Variants in CACNA2D3 observed in about 807,000 individuals in gnomAD.
The protein encoded by CACNA2D3 is voltage-dependent calcium channel subunit alpha-2/delta-3.
In CACNA2D3, 60 loss-of-function variants were observed where a neutral mutation model predicts 160.6. The ratio of observed to expected loss-of-function variants is 0.37; its 90% CI spans 0.30 to 0.46. The LOEUF (loss-of-function observed/expected upper bound fraction) is 0.46, where lower values mean the gene tolerates loss of function less well. Among genes scored for constraint, CACNA2D3 ranks in the 20% least tolerant of loss-of-function variants. The pLI is 1.00. For synonymous variants in CACNA2D3, 558 were observed against 492.9 expected (o/e 1.13, Z -1.75); for missense variants, 1,205 against 1,365.0 (o/e 0.88, Z 1.85).
At chr3:54,147,816 G>T (rs1002240758) in intron 2 of CACNA2D3, among the ~76,000 whole-genome samples, 1 of 152,194 alleles carries the variant, frequency 6.6e-6, no homozygotes, top group African/African-American at 2.4e-5. Context: ...CTGTTTGTTT[G>T]TTTGTTTTTG....
chr3:54,261,832 A>G (rs1702405709), intron 2 of CACNA2D3, among the ~76,000 whole-genome samples: 1 of 152,172 alleles, frequency 6.6e-6, no homozygotes, highest in Non-Finnish European at 1.5e-5. Flanking sequence ...TTGAAGGACA[A>G]TATGCTAGAG....
chr3:54,856,202 GCA>G (rs1699166244), intron 17 of CACNA2D3, among the ~76,000 whole-genome samples: 1 of 152,120 alleles, frequency 6.6e-6, no homozygotes, highest in Non-Finnish European at 1.5e-5. Context: ...AGGAAATCGA[GCA>G]CACAATGAAA....
intron 16 of CACNA2D3, among the ~76,000 whole-genome samples, chr3:54,845,488 C>T (rs777396996): frequency 6.6e-6 from 1 of 152,142 alleles, no homozygotes; most frequent in Non-Finnish European, 1.5e-5. Context: ...AACTGGGTTA[C>T]ATTTTCTTTC....
At chr3:54,348,418 T>C (rs987632139) in intron 3 of CACNA2D3, among the ~76,000 whole-genome samples, 3 of 152,240 alleles carry the variant, frequency 2.0e-5, no homozygotes, top group Admixed American at 6.5e-5. Flanking sequence ...CATACTCAAG[T>C]CAAAATGGGT....
chr3:54,516,323 A>G (rs1403311534), intron 5 of CACNA2D3, among the ~76,000 whole-genome samples: 2 of 152,170 alleles, frequency 1.3e-5, no homozygotes, highest in South Asian at 2.1e-4. Flanking sequence ...CCATTTCATC[A>G]TCTCCAAAGT....
At chr3:54,212,951 T>C (rs1444486821) in intron 2 of CACNA2D3, among the ~76,000 whole-genome samples, 2 of 152,186 alleles carry the variant, frequency 1.3e-5, no homozygotes, top group Admixed American at 1.3e-4. Context: ...CCAGGCCTCC[T>C]AATTGCCCTT....
chr3:54,872,817 C>T (rs1418011089), intron 18 of CACNA2D3, among the ~76,000 whole-genome samples: 2 of 152,156 alleles, frequency 1.3e-5, no homozygotes, highest in Non-Finnish European at 2.9e-5. Flanking sequence ...TCCTCCATAC[C>T]CTTTTCCCCG....
At chr3:54,808,252 C>G (rs564367225) in intron 13 of CACNA2D3, among the ~76,000 whole-genome samples, 3 of 152,046 alleles carry the variant, frequency 2.0e-5, no homozygotes, top group Non-Finnish European at 1.5e-5. Flanking sequence ...TCAGTTCACT[C>G]CAGATGCCCC....
At chr3:55,051,006 T>G (rs1270573093) in intron 35 of CACNA2D3, among the ~76,000 whole-genome samples, 1 of 145,416 alleles carries the variant, frequency 6.9e-6, no homozygotes, top group East Asian at 2.0e-4. Flanking sequence ...TACATTCTTC[T>G]AAATTTTTTT....
intron 2 of CACNA2D3, among the ~76,000 whole-genome samples, chr3:54,291,310 A>T (rs60459685): frequency 0.2 from 31,133 of 152,206 alleles, 3,348 homozygotes; most frequent in East Asian, 0.25. Context: ...AATGATTAAT[A>T]TCCTTTTTCT....
At chr3:54,783,605 C>CAAAG (rs1702574975) in intron 13 of CACNA2D3, among the ~76,000 whole-genome samples, 1 of 151,516 alleles carries the variant, frequency 6.6e-6, no homozygotes, top group South Asian at 2.1e-4. Context: ...GACTCCATCT[C>CAAAG]AAATAAATAA....
At chr3:54,764,451 G>A in intron 13 of CACNA2D3, 100 bp downstream of exon 13, 1 of 1,404,442 alleles carries the variant, frequency 7.1e-7, no homozygotes, top group South Asian at 1.3e-5. Context: ...TATTTTTTGT[G>A]TTCAGTGACA....
chr3:54,440,756 G>A (rs1027653232), intron 4 of CACNA2D3, among the ~76,000 whole-genome samples: 2 of 151,936 alleles, frequency 1.3e-5, no homozygotes, highest in South Asian at 2.1e-4. Context: ...TTGTCCTTGC[G>A]ATAGTTTGCT....
At chr3:54,148,501 G>A (rs62251042) in intron 2 of CACNA2D3, among the ~76,000 whole-genome samples, 10,041 of 152,250 alleles carry the variant, frequency 0.066, 383 homozygotes, top group Non-Finnish European at 0.079. Context: ...ATGTGGCAGG[G>A]GGTTGGGGTT....
chr3:54,822,729 A>ATT (rs1343062206), intron 14 of CACNA2D3, among the ~76,000 whole-genome samples: 4 of 104,766 alleles, frequency 3.8e-5, no homozygotes, highest in South Asian at 3.2e-4. Context: ...TTTCTTTTTT[A>ATT]TTTTCTTTCT....
chr3:54,508,910 G>T (rs779487779), intron 5 of CACNA2D3, among the ~76,000 whole-genome samples: 2 of 152,178 alleles, frequency 1.3e-5, no homozygotes, highest in African/African-American at 2.4e-5. Context: ...AGTCCAATAG[G>T]TTCTTCTAAA....
At chr3:54,388,653 G>A (rs903922768) in intron 4 of CACNA2D3, among the ~76,000 whole-genome samples, 2 of 152,148 alleles carry the variant, frequency 1.3e-5, no homozygotes, top group African/African-American at 4.8e-5. Context: ...ATAGCAAGAA[G>A]TACCTTACCT....
At chr3:54,652,910 G>A (rs1425374235) in intron 11 of CACNA2D3, among the ~76,000 whole-genome samples, 1 of 150,992 alleles carries the variant, frequency 6.6e-6, no homozygotes, top group African/African-American at 2.4e-5. Flanking sequence ...AGCCTCCCAA[G>A]TAGCTGGGAT....
chr3:54,809,640 T>TTC (rs1184837995), intron 13 of CACNA2D3, among the ~76,000 whole-genome samples: 1 of 151,492 alleles, frequency 6.6e-6, no homozygotes, highest in African/African-American at 2.4e-5. Context: ...CTTTCTTTCT[T>TTC]TCTTTCATTC....
Sources: allele counts gnomAD v4.1 joint callset (sites outside exome capture counted in the v4.1 genomes callset), GRCh38; gene constraint gnomAD v4.1.1; transcripts MANE v1.5; gene names NCBI Gene and HGNC (gene_info 2026-07-23, HGNC 2026-07-21).